The following IL1RAPL1 variants were observed in gnomAD, a reference collection of about 807,000 sequenced individuals.
IL1RAPL1 encodes the protein interleukin-1 receptor accessory protein-like 1.
In IL1RAPL1, 3 loss-of-function variants were observed where a neutral mutation model predicts 48.4. The ratio of observed to expected loss-of-function variants is 0.06; its 90% confidence interval spans 0.03 to 0.16. The LOEUF is 0.16. Ranked by LOEUF, IL1RAPL1 falls within the 10% of genes least tolerant of loss-of-function variation. The pLI is 1.00. For synonymous variants in IL1RAPL1, 185 were observed against 187.7 expected (o/e 0.99, Z 0.12); for missense variants, 349 against 530.6 (o/e 0.66, Z 3.36).
At chrX:29,683,720 A>G (rs1037455181) in intron 6 of IL1RAPL1, among the ~76,000 whole-genome samples, 3 of 112,268 alleles carry the variant, frequency 2.7e-5, no homozygotes, top group African/African-American at 6.5e-5. Flanking sequence ...AAAATGGTCT[A>G]TTCTTACAGA....
At chrX:29,757,634 G>A (rs1316424278) in intron 6 of IL1RAPL1, among the ~76,000 whole-genome samples, 1 of 112,102 alleles carries the variant, frequency 8.9e-6, no homozygotes, top group Non-Finnish European at 1.9e-5. Context: ...TTAGTTTCTA[G>A]CCTGTCCTTC....
At chrX:29,245,349 A>G (rs1931491790) in intron 2 of IL1RAPL1, among the ~76,000 whole-genome samples, 1 of 111,616 alleles carries the variant, frequency 9.0e-6, no homozygotes, top group Non-Finnish European at 1.9e-5. Flanking sequence ...AGGAATCACC[A>G]CACTGTCTTC....
intron 2 of IL1RAPL1, among the ~76,000 whole-genome samples, chrX:29,272,709 G>T (rs1477786741): frequency 8.9e-6 from 1 of 111,855 alleles, no homozygotes. Flanking sequence ...TATTAGCAAG[G>T]TTAGGGAAAC....
At chrX:29,104,983 G>A (rs1411174288) in intron 2 of IL1RAPL1, among the ~76,000 whole-genome samples, 1 of 111,661 alleles carries the variant, frequency 9.0e-6, no homozygotes, top group African/African-American at 3.3e-5. Context: ...TGGGAATGAT[G>A]GGGAATGCTA....
chrX:29,850,562 A>T (rs1162570039), intron 6 of IL1RAPL1, among the ~76,000 whole-genome samples: 1 of 112,113 alleles, frequency 8.9e-6, no homozygotes, highest in African/African-American at 3.2e-5. Flanking sequence ...GGTGGTGCAG[A>T]CCACCCTCTC....
At chrX:28,955,985 A>G (rs1191177125) in intron 2 of IL1RAPL1, among the ~76,000 whole-genome samples, 1 of 102,935 alleles carries the variant, frequency 9.7e-6, no homozygotes, top group African/African-American at 3.6e-5. Context: ...GGTCCTTCAC[A>G]TCCCTTGTAA....
chrX:29,519,737 G>A (rs983455726), intron 5 of IL1RAPL1, among the ~76,000 whole-genome samples: 7 of 111,486 alleles, frequency 6.3e-5, no homozygotes, highest in East Asian at 2.8e-4. Flanking sequence ...GCGAAGAAAT[G>A]TGTGCTTTCT....
At chrX:29,438,571 A>G (rs1934507726) in intron 5 of IL1RAPL1, among the ~76,000 whole-genome samples, 3 of 110,601 alleles carry the variant, frequency 2.7e-5, no homozygotes. Context: ...AAATGTTGAT[A>G]TACTGTGTTT....
At chrX:29,712,709 A>G (rs1005529706) in intron 6 of IL1RAPL1, among the ~76,000 whole-genome samples, 4 of 112,036 alleles carry the variant, frequency 3.6e-5, no homozygotes, top group Non-Finnish European at 7.5e-5. Flanking sequence ...TGGAGTCTAC[A>G]TTGGTGCATT....
intron 6 of IL1RAPL1, among the ~76,000 whole-genome samples, chrX:29,812,860 G>T (rs774775843): frequency 9.0e-6 from 1 of 110,728 alleles, no homozygotes; most frequent in East Asian, 2.8e-4. Context: ...AAATTAGGTG[G>T]TATAATATTC....
rs1181033241 is a variant in IL1RAPL1 at position 29,464,296 on chromosome X, G to A, written c.703+64988G>A. ...TTGCCTTAGAAGAATACAATTGTCA[G>A]TGGAGTAGATGCAGGATCATCAAGT... On this transcript the variant is annotated intron_variant, in intron 5 of 10. Coordinates refer to ENST00000378993, the MANE Select transcript of IL1RAPL1 (RefSeq NM_014271.4). Among the ~76,000 whole-genome samples the A allele has an allele frequency of 2.7e-5, 3 of 111,734 alleles. No homozygotes were observed. In the Admixed American group the frequency reaches 2.9e-4, roughly 11 times the overall value.
chrX:29,116,116 AT>A, intron 2 of IL1RAPL1, among the ~76,000 whole-genome samples: 1 of 111,329 alleles, frequency 9.0e-6, no homozygotes, highest in Non-Finnish European at 1.9e-5. Context: ...TATTATAGCT[AT>A]AGTTTTATAT....
chrX:29,378,245 G>A lies in IL1RAPL1; in HGVS notation c.363-18013G>A, dbSNP rs1056350458. On this transcript the variant is annotated intron_variant, in intron 3 of 10. Transcript: ENST00000378993. ...TTCAGTTTGATTCTTTCTTGAAATG[G>A]TTATTTATCTTTCAGTTCTTGCATG... 9.0e-5 allele frequency among the ~76,000 whole-genome samples: 10 copies of A among 110,972 alleles called. No individual in the cohort carries two copies. In the South Asian group the frequency reaches 3.7e-3, roughly 41 times the overall value.
intron 2 of IL1RAPL1, among the ~76,000 whole-genome samples, chrX:28,981,350 C>T (rs1925337008): frequency 9.1e-6 from 1 of 109,402 alleles, no homozygotes; most frequent in Admixed American, 9.8e-5. Context: ...CTAAAATGAT[C>T]TAAAAATCTC....
chrX:29,417,119 A>G (rs1934227195), intron 5 of IL1RAPL1, among the ~76,000 whole-genome samples: 1 of 111,896 alleles, frequency 8.9e-6, no homozygotes, highest in South Asian at 3.7e-4. Context: ...TCCACTAATT[A>G]TATCCCAGGG....
chrX:28,874,427 T>A (rs1601940533), intron 2 of IL1RAPL1, among the ~76,000 whole-genome samples: 1 of 112,158 alleles, frequency 8.9e-6, no homozygotes, highest in African/African-American at 3.2e-5. Context: ...AATTACAACC[T>A]TCATGGCTAT....
intron 3 of IL1RAPL1, among the ~76,000 whole-genome samples, chrX:29,360,622 C>T (rs1374237519): frequency 9.0e-6 from 1 of 111,403 alleles, no homozygotes; most frequent in East Asian, 2.8e-4. Context: ...TTATTTTGGT[C>T]AAAATAAATT....
intron 1 of IL1RAPL1, among the ~76,000 whole-genome samples, chrX:28,630,031 T>C (rs58295772): frequency 0.015 from 1,620 of 111,570 alleles, 28 homozygotes; most frequent in African/African-American, 0.049. Context: ...TGGGAAATTA[T>C]TGTCATAGCG....
intron 2 of IL1RAPL1, among the ~76,000 whole-genome samples, chrX:29,047,634 A>G (rs1569226246): frequency 8.9e-6 from 1 of 112,141 alleles, no homozygotes; most frequent in Non-Finnish European, 1.9e-5. Flanking sequence ...CTAGACAAGT[A>G]TGAACAGTGA....
Sources: allele counts gnomAD v4.1 joint callset (sites outside exome capture counted in the v4.1 genomes callset), GRCh38; gene constraint gnomAD v4.1.1; transcripts MANE v1.5; gene names NCBI Gene and HGNC (gene_info 2026-07-23, HGNC 2026-07-21).